The following MBTPS1 variants were observed in gnomAD, a reference collection of about 807,000 sequenced individuals.
The protein encoded by MBTPS1 is membrane bound transcription factor peptidase, site 1, also known as membrane-bound transcription factor site-1 protease.
MBTPS1 carries 94 observed loss-of-function variants against 127.8 expected under a neutral mutation model. The observed-to-expected ratio is 0.74, with a 90% confidence interval of 0.62 to 0.87. MBTPS1 has a LOEUF of 0.87. Ranked by LOEUF, MBTPS1 falls within the 40% of genes least tolerant of loss-of-function variation. The probability of loss-of-function intolerance (pLI) is 0.00; values close to 1 mark genes in which losing one functional copy is unlikely to be tolerated. For synonymous variants in MBTPS1, 632 were observed against 509.4 expected (o/e 1.24, Z -3.24); for missense variants, 1,636 against 1,353.2 (o/e 1.21, Z -3.28).
intron 10 of MBTPS1, 151 bp downstream of exon 10, chr16:84,084,832 A>G (rs1383713117): frequency 1.5e-6 from 1 of 685,260 alleles, no homozygotes; most frequent in Non-Finnish European, 2.4e-6. Context: ...CTCTTTGCAG[A>G]GATGAAGAAG....
chr16:84,085,196 A>G, intron 9 of MBTPS1, 62 bp from the exon 10 acceptor site: 4 of 1,512,266 alleles, frequency 2.6e-6, no homozygotes, highest in South Asian at 1.2e-5. Flanking sequence ...GCATGCAATC[A>G]TGAGTGAATC....
chr16:84,094,914 A>C (rs146481386), intron 4 of MBTPS1, among the ~76,000 whole-genome samples: 53 of 152,338 alleles, frequency 3.5e-4, no homozygotes, highest in African/African-American at 1.2e-3. Flanking sequence ...TACGAAAGAC[A>C]CCGAGGCAAA....
chr16:84,106,250 G>A (rs537314540), intron 1 of MBTPS1, among the ~76,000 whole-genome samples: 11 of 152,188 alleles, frequency 7.2e-5, no homozygotes, highest in South Asian at 2.1e-4. Context: ...AGTTGAGATC[G>A]TGCCACTACA....
At chr16:84,083,754 G>C in intron 10 of MBTPS1, among the ~76,000 whole-genome samples, 1 of 152,182 alleles carries the variant, frequency 6.6e-6, no homozygotes, top group Admixed American at 6.5e-5. Flanking sequence ...TTCCAAATAC[G>C]CAGAGTTTTG....
At chr16:84,061,589 G>A (rs992241173) in intron 19 of MBTPS1, 15 of 152,242 alleles carry the variant, frequency 9.9e-5, no homozygotes, top group Admixed American at 3.3e-4. Flanking sequence ...ACACCCCAGG[G>A]GGTGGAGGCA....
At chr16:84,109,872 G>A (rs2086375623) in intron 1 of MBTPS1, among the ~76,000 whole-genome samples, 1 of 152,180 alleles carries the variant, frequency 6.6e-6, no homozygotes, top group South Asian at 2.1e-4. Context: ...CAACTGTGCT[G>A]TGATTATGTA....
chr16:84,111,586 T>C (rs1022627207), intron 1 of MBTPS1, among the ~76,000 whole-genome samples: 2 of 151,086 alleles, frequency 1.3e-5, no homozygotes, highest in African/African-American at 4.9e-5. Flanking sequence ...TTGAGATAAT[T>C]TGAGGAAGAA....
At position 84,101,621 on chromosome 16, in the gene MBTPS1, C is replaced by A; in HGVS notation, c.163G>T (p.Glu55Ter). The A allele has an allele frequency of 1.2e-6, 2 of 1,611,104 alleles. No individual in the cohort carries two copies. Among genetic ancestry groups the A allele is most frequent in the East Asian group, 4.5e-5 (2 of 44,808 alleles). The stretch of plus-strand genomic sequence containing the variant: ...CTAATACTTAAGACAACATCATTAC[C>A]ATATTCCACAACTGTTGATGAGAAT... ...VEFSSTVVEYEYIVAFNGYFT... is the reference protein window; with the variant it reads ...VEFSSTVVEY Residue 55 changes from glutamate (E) to a stop codon, truncating the protein, a stop_gained and splice_region_variant, in exon 2 of 23, where the codon GAA (glutamate) becomes TAA (stop). Coordinates refer to ENST00000343411, the MANE Select transcript of MBTPS1 (RefSeq NM_003791.4). LOFTEE classifies it high-confidence loss of function.
chr16:84,069,523 G>A (rs1374002333), intron 14 of MBTPS1, among the ~76,000 whole-genome samples: 1 of 152,220 alleles, frequency 6.6e-6, no homozygotes, highest in East Asian at 1.9e-4. Context: ...CCAGGCAAGA[G>A]ATGACAATGG....
chr16:84,107,083 C>T (rs2086333905), intron 1 of MBTPS1, among the ~76,000 whole-genome samples: 1 of 152,162 alleles, frequency 6.6e-6, no homozygotes, highest in South Asian at 2.1e-4. Flanking sequence ...AGGGCAGAAT[C>T]CCGGGCAATC....
intron 6 of MBTPS1, among the ~76,000 whole-genome samples, chr16:84,092,173 A>G (rs76465805): frequency 5.3e-5 from 8 of 152,268 alleles, no homozygotes; most frequent in African/African-American, 1.9e-4. Flanking sequence ...CTCTCCTACA[A>G]AAGGACTTAT....
intron 10 of MBTPS1, 195 bp from the exon 11 acceptor site, chr16:84,082,103 C>CCGCA: frequency 5.1e-6 from 2 of 393,384 alleles, no homozygotes; most frequent in Non-Finnish European, 9.0e-6. Context: ...ACTGACCACT[C>CCGCA]CGCAACCTTC....
chr16:84,107,261 G>A (rs968331184), intron 1 of MBTPS1, among the ~76,000 whole-genome samples: 6 of 152,214 alleles, frequency 3.9e-5, no homozygotes, highest in East Asian at 3.8e-4. Context: ...ACTAGTGAGC[G>A]GGTGAGCCTG....
At chr16:84,069,055 T>C (rs1045676809) in intron 14 of MBTPS1, among the ~76,000 whole-genome samples, 3 of 152,176 alleles carry the variant, frequency 2.0e-5, no homozygotes, top group Non-Finnish European at 4.4e-5. Flanking sequence ...TTCCCACCAC[T>C]TCCTGTCTAC....
At chr16:84,091,884 A>G in intron 6 of MBTPS1, 36 bp from the exon 7 acceptor site, 1 of 1,228,860 alleles carries the variant, frequency 8.1e-7, no homozygotes, top group Non-Finnish European at 1.2e-6. Context: ...TTAGTGTTTC[A>G]ATCAAGTTTT....
Position 84,101,838 on chromosome 16 carries a change from T to C in MBTPS1, c.-55A>G. The C allele has an allele frequency of 6.5e-7, 1 of 1,534,908 alleles. No homozygotes were observed. The highest frequency in any genetic ancestry group is 2.3e-5 in the East Asian group (1 of 44,022). ...CATATATTCAAATCACACTTTTTTC[T>C]TCTTGATTAAAAGTGAATTTTTGTT... is the stretch of plus-strand genomic sequence containing the variant. On this transcript the variant is annotated 5_prime_UTR_variant, in exon 2 of 23. Transcript: ENST00000343411.
chr16:84,055,535 G>A (rs893251913), intron 22 of MBTPS1, among the ~76,000 whole-genome samples: 1 of 152,162 alleles, frequency 6.6e-6, no homozygotes, highest in Non-Finnish European at 1.5e-5. Context: ...GACCACCTAA[G>A]GGACACACCC....
At chr16:84,080,317 G>T (rs766725200) in intron 11 of MBTPS1, among the ~76,000 whole-genome samples, 1 of 152,212 alleles carries the variant, frequency 6.6e-6, no homozygotes, top group Non-Finnish European at 1.5e-5. Flanking sequence ...AAATCATCAC[G>T]TGTCAAAGTT....
rs2085673944 is a variant in MBTPS1 at position 84,065,772 on chromosome 16, G to A, written c.2354-5C>T. On this transcript the variant is annotated splice_polypyrimidine_tract_variant and splice_region_variant and intron_variant, in intron 17 of 22. Transcript: ENST00000343411. Reference sequence around the variant, plus strand: ...TGCACCCTGACGCATAATACACTAGGAAAGAGTGTTCAAAGTCAAGGGAAC... The same window carrying A: ...TGCACCCTGACGCATAATACACTAGAAAAGAGTGTTCAAAGTCAAGGGAAC... 3.2e-6 allele frequency: 5 copies of A among 1,565,724 alleles called. No homozygotes were observed. The highest frequency in any genetic ancestry group is 4.3e-6 in the Non-Finnish European group (5 of 1,158,152).
Sources: allele counts gnomAD v4.1 joint callset (sites outside exome capture counted in the v4.1 genomes callset), GRCh38; gene constraint gnomAD v4.1.1; transcripts MANE v1.5; gene names NCBI Gene and HGNC (gene_info 2026-07-23, HGNC 2026-07-21).